Variants in CDK14 observed in about 807,000 individuals in gnomAD.
The protein encoded by CDK14 is cyclin dependent kinase 14.
CDK14 carries 34 observed loss-of-function variants against 60.7 expected under a neutral mutation model. The observed-to-expected ratio is 0.56, with a 90% CI of 0.43 to 0.75. CDK14 has a LOEUF of 0.75. Among genes scored for constraint, CDK14 ranks in the 30% least tolerant of loss-of-function variants. The pLI is 0.00. For synonymous variants in CDK14, 197 were observed against 203.7 expected (o/e 0.97, Z 0.28); for missense variants, 482 against 564.1 (o/e 0.85, Z 1.47).
chr7:90,803,344 A>T (rs202100318), intron 5 of CDK14, among the ~76,000 whole-genome samples: 1 of 152,164 alleles, frequency 6.6e-6, no homozygotes, highest in Non-Finnish European at 1.5e-5. Flanking sequence ...TAGAGAGACA[A>T]AAAGGCACCC....
intron 11 of CDK14, among the ~76,000 whole-genome samples, chr7:91,073,577 G>A (rs1798214836): frequency 6.6e-6 from 1 of 152,056 alleles, no homozygotes; most frequent in Non-Finnish European, 1.5e-5. Context: ...CAATGATGTT[G>A]TGAAGAAACT....
At chr7:90,610,661 C>T (rs914480895) in intron 2 of CDK14, among the ~76,000 whole-genome samples, 3 of 152,188 alleles carry the variant, frequency 2.0e-5, no homozygotes, top group African/African-American at 7.2e-5. Flanking sequence ...CCAGGCCTCT[C>T]CCCTTAGCTC....
intron 11 of CDK14, among the ~76,000 whole-genome samples, chr7:91,063,384 AC>A (rs1797867432): frequency 6.6e-6 from 1 of 152,240 alleles, no homozygotes; most frequent in Admixed American, 6.5e-5. Context: ...TAAACTGACT[AC>A]TAATTATTCG....
intron 11 of CDK14, among the ~76,000 whole-genome samples, chr7:91,047,044 T>A (rs559470747): frequency 1.3e-5 from 2 of 152,324 alleles, no homozygotes; most frequent in East Asian, 3.9e-4. Flanking sequence ...AACTTCTATG[T>A]TCTGAAAGAC....
At chr7:90,820,447 A>G (rs1789504840) in intron 5 of CDK14, among the ~76,000 whole-genome samples, 1 of 152,078 alleles carries the variant, frequency 6.6e-6, no homozygotes, top group South Asian at 2.1e-4. Flanking sequence ...TCTTGTAATA[A>G]TGAGTGACTT....
At chr7:90,988,500 AC>A (rs1795438699) in intron 10 of CDK14, among the ~76,000 whole-genome samples, 2 of 152,094 alleles carry the variant, frequency 1.3e-5, no homozygotes, top group South Asian at 4.1e-4. Flanking sequence ...TATTCTATTC[AC>A]CTCCATTAGT....
At chr7:90,988,244 T>C (rs930963735) in intron 10 of CDK14, among the ~76,000 whole-genome samples, 12 of 152,190 alleles carry the variant, frequency 7.9e-5, no homozygotes, top group Admixed American at 5.2e-4. Context: ...ACCATGTTCA[T>C]ATGTATATAA....
intron 7 of CDK14, among the ~76,000 whole-genome samples, chr7:90,902,106 T>A (rs1792526547): frequency 6.6e-6 from 1 of 151,958 alleles, no homozygotes; most frequent in Non-Finnish European, 1.5e-5. Flanking sequence ...ATTGAAGAGA[T>A]ACAAATGGAA....
intron 14 of CDK14, among the ~76,000 whole-genome samples, chr7:91,169,637 A>G (rs543410325): frequency 2.6e-5 from 4 of 152,198 alleles, no homozygotes; most frequent in Non-Finnish European, 4.4e-5. Context: ...AAGTGGATTA[A>G]GCCAATTTAC....
intron 12 of CDK14, among the ~76,000 whole-genome samples, chr7:91,088,866 C>T (rs188475452): frequency 4.6e-5 from 7 of 152,046 alleles, no homozygotes; most frequent in Admixed American, 3.9e-4. Flanking sequence ...ATTAAATCAG[C>T]CATCATCTTT....
chr7:90,976,866 A>G (rs891486138), intron 9 of CDK14, among the ~76,000 whole-genome samples: 3 of 151,946 alleles, frequency 2.0e-5, no homozygotes, highest in African/African-American at 7.3e-5. Context: ...CTATATAAAA[A>G]CTCAATTTAA....
intron 9 of CDK14, among the ~76,000 whole-genome samples, chr7:90,983,716 A>G (rs1795302408): frequency 6.6e-6 from 1 of 151,990 alleles, no homozygotes; most frequent in Non-Finnish European, 1.5e-5. Context: ...TGTTGTTTGC[A>G]GCAACATGGA....
rs965230470 is a variant in CDK14 at position 91,112,517 on chromosome 7, C to T, written c.1155-25C>T. The T allele has an allele frequency of 3.1e-6, 5 of 1,603,194 alleles. No homozygotes were observed. The African/African-American group carries it at 5.4e-5, about 17-fold the overall frequency. Reference sequence around the variant, plus strand: ...AGTGGATTTTCTTGTTTGGTCTGACCTCTCTTTTTTGCTCATGTTTTTAGG... The same window carrying T: ...AGTGGATTTTCTTGTTTGGTCTGACTTCTCTTTTTTGCTCATGTTTTTAGG... On this transcript the variant is annotated intron_variant, in intron 12 of 14. Coordinates refer to ENST00000380050, the MANE Select transcript of CDK14 (RefSeq NM_001287135.2).
intron 5 of CDK14, among the ~76,000 whole-genome samples, chr7:90,850,483 G>A (rs140627621): frequency 1.3e-5 from 2 of 152,182 alleles, no homozygotes; most frequent in African/African-American, 4.8e-5. Flanking sequence ...ACACTGCTGA[G>A]AGAAGGTTAG....
intron 4 of CDK14, among the ~76,000 whole-genome samples, chr7:90,776,122 C>T (rs1343452280): frequency 1.3e-5 from 2 of 152,102 alleles, no homozygotes; most frequent in African/African-American, 2.4e-5. Context: ...TACTTTTTAC[C>T]TCTGTGGATG....
At chr7:91,033,578 G>A (rs550768544) in intron 10 of CDK14, among the ~76,000 whole-genome samples, 32 of 152,330 alleles carry the variant, frequency 2.1e-4, no homozygotes, top group African/African-American at 6.7e-4. Flanking sequence ...GCAGGTGGTG[G>A]TGATGCTGCT....
chr7:91,158,563 G>T (rs1801063088), intron 14 of CDK14, among the ~76,000 whole-genome samples: 1 of 152,126 alleles, frequency 6.6e-6, no homozygotes, highest in Non-Finnish European at 1.5e-5. Context: ...TGGAGATGTA[G>T]AATTTGTCAC....
chr7:90,614,238 C>G (rs1236450992), intron 2 of CDK14, among the ~76,000 whole-genome samples: 1 of 152,178 alleles, frequency 6.6e-6, no homozygotes, highest in Non-Finnish European at 1.5e-5. Context: ...CTCCTGATCT[C>G]AAGTGATCCA....
chr7:91,177,891 T>C (rs1170524531), intron 14 of CDK14, among the ~76,000 whole-genome samples: 23 of 146,266 alleles, frequency 1.6e-4, no homozygotes, highest in African/African-American at 5.6e-4. Context: ...CTGCCCAAGG[T>C]AATTTATAGA....
Sources: allele counts gnomAD v4.1 joint callset (sites outside exome capture counted in the v4.1 genomes callset), GRCh38; gene constraint gnomAD v4.1.1; transcripts MANE v1.5; gene names NCBI Gene and HGNC (gene_info 2026-07-23, HGNC 2026-07-21).